The following MAT2B variants were observed in gnomAD, a reference collection of about 807,000 sequenced individuals.
MAT2B encodes methionine adenosyltransferase 2 subunit beta.
Under a neutral mutation model 36.1 loss-of-function variants are expected in MAT2B, and 16 were observed. The ratio of observed to expected loss-of-function variants is 0.44; its 90% confidence interval spans 0.30 to 0.67. The LOEUF is 0.67. Among genes scored for constraint, MAT2B ranks in the 30% least tolerant of loss-of-function variants. The pLI, the probability that MAT2B is intolerant of heterozygous loss-of-function variation, is 0.09. For missense variants in MAT2B, 332 were observed against 398.2 expected (o/e 0.83, Z 1.42); for synonymous variants, 148 against 136.9 (o/e 1.08, Z -0.57).
At position 163,518,734 on chromosome 5, in the gene MAT2B, G is replaced by A. The variant is rs1760173439; in HGVS notation, c.*371G>A. 1 of 157,210 alleles carries A rather than the reference G, an allele frequency of 6.4e-6. No individual in the cohort carries two copies. Among genetic ancestry groups the A allele is most frequent in the African/African-American group, 2.4e-5 (1 of 41,662 alleles). The allele number at this position is 157,210 out of a possible 1,614,324, so 9.7% of individuals were successfully genotyped here. A position where few individuals can be genotyped will look rare whatever the true frequency, so the allele number is the denominator to read the frequency against. ...TTTTTGAAGCTGTTGACCTTTTCAT[G>A]TTGATTATTTTAAATTGTGTGAAAT... On this transcript the variant is annotated 3_prime_UTR_variant, in exon 7 of 7. Transcript: ENST00000321757.
chr5:163,507,758 T>G (rs1182500548), intron 1 of MAT2B, among the ~76,000 whole-genome samples: 2 of 152,206 alleles, frequency 1.3e-5, no homozygotes, highest in Non-Finnish European at 2.9e-5. Context: ...AACAAAACAG[T>G]GTAAAAGGCA....
chr5:163,505,785 G>T, intron 1 of MAT2B, 36 bp downstream of exon 1: 1 of 1,252,372 alleles, frequency 8.0e-7, no homozygotes, highest in Non-Finnish European at 1.0e-6. Flanking sequence ...CGGTGGGAGC[G>T]GGGGCGCCGA....
At chr5:163,506,889 T>G (rs1759952662) in intron 1 of MAT2B, among the ~76,000 whole-genome samples, 1 of 152,246 alleles carries the variant, frequency 6.6e-6, no homozygotes, top group African/African-American at 2.4e-5. Flanking sequence ...ACAGACTTAC[T>G]GCTCTCAAAA....
chr5:163,509,897 G>A (rs776686623), intron 1 of MAT2B, among the ~76,000 whole-genome samples: 13 of 152,154 alleles, frequency 8.5e-5, no homozygotes, highest in Non-Finnish European at 1.6e-4. Flanking sequence ...CTTTTAAAAT[G>A]TCTTGAAATT....
At position 163,505,706 on chromosome 5, in the gene MAT2B, A is replaced by G. The variant is rs758605300; in HGVS notation, c.20A>G (p.Glu7Gly). ...GCGGGCATGGTGGGGCGGGAGAAAG[A>G]GCTCTCTATACACTTTGTTCCCGGG... The part of the protein sequence containing the change: MVGREK[E>G]LSIHFVPGSC... Residue 7 changes from glutamate (E) to glycine (G), a missense_variant, in exon 1 of 7, where the codon GAG becomes GGG. Coordinates refer to ENST00000321757, the MANE Select transcript of MAT2B (RefSeq NM_013283.5). The G allele has an allele frequency of 2.3e-6, 3 of 1,284,514 alleles. No homozygotes were observed. Among genetic ancestry groups the G allele is most frequent in the Admixed American group, 3.6e-5 (1 of 27,962 alleles). 79.6% of individuals were successfully genotyped at this position (1,284,514 alleles called of 1,614,324 possible).
upstream of MAT2B, chr5:163,503,249 T>C (rs948738119): frequency 4.4e-6 from 3 of 679,496 alleles, no homozygotes; most frequent in African/African-American, 5.4e-5. Flanking sequence ...GGAATCAAAA[T>C]GCTAATTTAA....
At chr5:163,513,763 A>G in intron 3 of MAT2B, 79 bp from the exon 4 acceptor site, 1 of 1,513,774 alleles carries the variant, frequency 6.6e-7, no homozygotes, top group Non-Finnish European at 9.1e-7. Context: ...GTTTTTATAT[A>G]TCATGAAAAA....
rs1451844387 is a variant in MAT2B at position 163,516,509 on chromosome 5, CT to C, written c.527-7del. The C allele has an allele frequency of 1.4e-5, 22 of 1,610,206 alleles. No homozygotes were observed. Among genetic ancestry groups the C allele is most frequent in the Non-Finnish European group, 1.9e-5 (22 of 1,177,042 alleles). ...CAGCTTTAAATTATTTGCTTTTATT[CT>C]TCTCTAGGAGCTGCTGTTTTGAGGA... On this transcript the variant is annotated splice_polypyrimidine_tract_variant and splice_region_variant and intron_variant, in intron 4 of 6. Coordinates refer to ENST00000321757, the MANE Select transcript of MAT2B (RefSeq NM_013283.5).
chr5:163,513,505 C>A lies in MAT2B; in HGVS notation c.259-50C>A, dbSNP rs760886361. 7 of 1,049,164 alleles carry A rather than the reference C, an allele frequency of 6.7e-6. No individual in the cohort carries two copies. The East Asian group carries it at 7.2e-5, about 11-fold the overall frequency. The allele number at this position is 1,049,164 out of a possible 1,614,324, so 65.0% of individuals were successfully genotyped here. ...AATTAACTTTAAGAAGGCTGTAATA[C>A]CTCTTTCATTTTATTTTGAGTTAAA... On this transcript the variant is annotated intron_variant, in intron 2 of 6. Coordinates refer to ENST00000321757, the MANE Select transcript of MAT2B (RefSeq NM_013283.5).
chr5:163,515,079 C>A (rs915635970), intron 4 of MAT2B, among the ~76,000 whole-genome samples: 1 of 152,196 alleles, frequency 6.6e-6, no homozygotes, highest in Non-Finnish European at 1.5e-5. Context: ...TTAATCCATT[C>A]ATAAGAGCAG....
In MAT2B at chr5:163,517,675, G is replaced by C; in HGVS notation, c.834+1G>C. The C allele has an allele frequency of 1.3e-6, 2 of 1,585,128 alleles. No homozygotes were observed. The highest frequency in any genetic ancestry group is 1.7e-6 in the Non-Finnish European group (2 of 1,153,840). On this transcript the variant is annotated splice_donor_variant, in intron 6 of 6. Coordinates refer to ENST00000321757, the MANE Select transcript of MAT2B (RefSeq NM_013283.5). LOFTEE classifies it high-confidence loss of function. ...CCTCCCCAGCAGTCACTTAAGACCT[G>C]TAAGTACATGGCTGTAAAAACCTTT... is the stretch of plus-strand genomic sequence containing the variant.
At position 163,517,184 on chromosome 5, in the gene MAT2B, AG is replaced by A. The variant is rs143507366; in HGVS notation, c.721-376del. On this transcript the variant is annotated intron_variant, in intron 5 of 6. Coordinates refer to ENST00000321757, the MANE Select transcript of MAT2B (RefSeq NM_013283.5). Reference sequence around the variant, plus strand: ...GTAATATATAACATGACAATATTTAAGAAAGTTTAGCTCAACTTGAAAAATG... The same window carrying A: ...GTAATATATAACATGACAATATTTAAAAAGTTTAGCTCAACTTGAAAAATG... The A allele has an allele frequency of 8.6e-4, 170 of 196,900 alleles. No homozygotes were observed. In the East Asian group the frequency reaches 0.019, roughly 22 times the overall value. 12.2% of individuals were successfully genotyped at this position (196,900 alleles called of 1,614,324 possible). A position where few individuals can be genotyped will look rare whatever the true frequency, so the allele number is the denominator to read the frequency against.
rs1249837322 is a variant in MAT2B at position 163,518,377 on chromosome 5, G to C, written c.*14G>C. The C allele has an allele frequency of 6.3e-7, 1 of 1,577,724 alleles. No homozygotes were observed. Among genetic ancestry groups the C allele is most frequent in the East Asian group, 2.3e-5 (1 of 44,422 alleles). ...GTCTTTCATTAGTTTATTTGTGTTGGGTTCTTTTTTTTTTTTAAATGAAAA... is the reference window on the plus strand; with the variant it reads ...GTCTTTCATTAGTTTATTTGTGTTGCGTTCTTTTTTTTTTTTAAATGAAAA... On this transcript the variant is annotated 3_prime_UTR_variant, in exon 7 of 7. Transcript: ENST00000321757.
intron 1 of MAT2B, among the ~76,000 whole-genome samples, chr5:163,507,493 A>C (rs1473171301): frequency 6.6e-6 from 1 of 152,212 alleles, no homozygotes; most frequent in Non-Finnish European, 1.5e-5. Flanking sequence ...ATACGTTTAG[A>C]GTAACTTAAA....
chr5:163,513,870 T>C lies in MAT2B; in HGVS notation c.402T>C (p.Ile134=). Residue 134 remains isoleucine (I), a synonymous_variant, in exon 4 of 7, where the codon ATT becomes ATC. Transcript: ENST00000321757. The stretch of plus-strand genomic sequence containing the variant: ...CTGTTGGAGCATTTCTCATCTACAT[T>C]AGCTCAGATTATGTATTTGATGGAA... ...AAAVGAFLIY[I]SSDYVFDGTN... is the part of the protein sequence containing the mutation. 1 of 1,612,406 alleles carries C rather than the reference T, an allele frequency of 6.2e-7. No individual in the cohort carries two copies. Among genetic ancestry groups the C allele is most frequent in the Non-Finnish European group, 8.5e-7 (1 of 1,179,342 alleles).
upstream of MAT2B, among the ~76,000 whole-genome samples, chr5:163,505,046 A>G (rs929082834): frequency 1.3e-5 from 2 of 152,228 alleles, no homozygotes; most frequent in African/African-American, 4.8e-5. Context: ...AATTAGTTAA[A>G]AATAGTTTTA....
In MAT2B at chr5:163,516,522, T is replaced by G. The variant is rs1354818739; in HGVS notation, c.531T>G (p.Ala177=). 1 of 1,613,420 alleles carries G rather than the reference T, an allele frequency of 6.2e-7. No homozygotes were observed. Among genetic ancestry groups the G allele is most frequent in the Non-Finnish European group, 8.5e-7 (1 of 1,179,436 alleles). ...TTTGCTTTTATTCTTCTCTAGGAGCTGCTGTTTTGAGGATTCCTATTCTGT... is the reference window on the plus strand; with the variant it reads ...TTTGCTTTTATTCTTCTCTAGGAGCGGCTGTTTTGAGGATTCCTATTCTGT... ...EKAVLENNLG[A]AVLRIPILYG... Residue 177 remains alanine (A), a synonymous_variant, in exon 5 of 7, where the codon GCT becomes GCG. Transcript: ENST00000321757.
intron 1 of MAT2B, 60 bp downstream of exon 1, chr5:163,505,809 C>T (rs956618536): frequency 1.1e-5 from 13 of 1,227,452 alleles, no homozygotes; most frequent in Non-Finnish European, 1.0e-5. Flanking sequence ...GGACGAGCCA[C>T]CGGGGCTCGG....
At chr5:163,503,310 A>T, upstream of MAT2B, 2 of 1,288,476 alleles carry the variant, frequency 1.6e-6, no homozygotes, top group Admixed American at 3.5e-5. Flanking sequence ...CGCTCTCTGC[A>T]GGCAGAAGCG....
Sources: allele counts gnomAD v4.1 joint callset (sites outside exome capture counted in the v4.1 genomes callset), GRCh38; gene constraint gnomAD v4.1.1; transcripts MANE v1.5; gene names NCBI Gene and HGNC (gene_info 2026-07-23, HGNC 2026-07-21).